The following DENND2B variants were observed in gnomAD, a reference collection of about 807,000 sequenced individuals.
DENND2B encodes the protein DENN domain-containing protein 2B.
In DENND2B, 32 loss-of-function variants were observed where a neutral mutation model predicts 116.0. The observed-to-expected ratio is 0.28, with a 90% confidence interval of 0.21 to 0.37. The LOEUF (loss-of-function observed/expected upper bound fraction) is 0.37, where lower values mean the gene tolerates loss of function less well. Ranked by LOEUF, DENND2B falls within the 10% of genes least tolerant of loss-of-function variation. The probability of loss-of-function intolerance (pLI) is 1.00; values close to 1 mark genes in which losing one functional copy is unlikely to be tolerated. For missense variants in DENND2B, 1,276 were observed against 1,477.7 expected (o/e 0.86, Z 2.24); for synonymous variants, 588 against 583.9 (o/e 1.01, Z -0.10).
chr11:8,705,900 C>T (rs2042511317), intron 13 of DENND2B, among the ~76,000 whole-genome samples: 1 of 152,240 alleles, frequency 6.6e-6, no homozygotes, highest in Non-Finnish European at 1.5e-5. Context: ...CTGCTGGTCT[C>T]CCCGTTTTCA....
intron 1 of DENND2B, among the ~76,000 whole-genome samples, chr11:8,761,758 A>C (rs1237809808): frequency 6.6e-6 from 1 of 152,142 alleles, no homozygotes; most frequent in Non-Finnish European, 1.5e-5. Context: ...GAAACTTATC[A>C]TCCACAAGCT....
chr11:8,891,029 T>C (rs919203824), intron 1 of DENND2B, among the ~76,000 whole-genome samples: 4 of 152,210 alleles, frequency 2.6e-5, no homozygotes, highest in African/African-American at 9.6e-5. Flanking sequence ...CCCATCAGAC[T>C]AACAGTGGAT....
Position 8,830,951 on chromosome 11 carries a change from T to C in DENND2B, c.-115+8359A>G, listed in dbSNP as rs140427212. The C allele has an allele frequency of 2.0e-5, 3 of 152,394 alleles. No homozygotes were observed. In the East Asian group the frequency reaches 5.8e-4, roughly 29 times the overall value. The allele number at this position is 152,394 out of a possible 1,614,324, so 9.4% of individuals were successfully genotyped here. Reference sequence around the variant, plus strand: ...GCCAAGACCAGTAGTCATCTTCTAATATATATTTCATACCTGGGCCCTGGA... The same window carrying C: ...GCCAAGACCAGTAGTCATCTTCTAACATATATTTCATACCTGGGCCCTGGA... On this transcript the variant is annotated intron_variant, in intron 4 of 6. Transcript: ENST00000524757.
At chr11:8,778,077 C>T (rs764226008) in intron 1 of DENND2B, among the ~76,000 whole-genome samples, 47 of 152,314 alleles carry the variant, frequency 3.1e-4, no homozygotes, top group East Asian at 1.7e-3. Flanking sequence ...GCCAGAAAGG[C>T]CACAGCAGCT....
intron 1 of DENND2B, among the ~76,000 whole-genome samples, chr11:8,792,790 C>A (rs915566985): frequency 6.6e-6 from 1 of 152,146 alleles, no homozygotes; most frequent in Non-Finnish European, 1.5e-5. Context: ...TGGGCCAGGG[C>A]GCAGTGGAAA....
chr11:8,750,552 A>G, intron 2 of DENND2B, 69 bp downstream of exon 2: 1 of 1,351,244 alleles, frequency 7.4e-7, no homozygotes. Context: ...GACTATTTAC[A>G]TTTTGGAGGG....
intron 15 of DENND2B, 101 bp from the exon 16 acceptor site, chr11:8,699,075 G>C: frequency 6.4e-7 from 1 of 1,554,498 alleles, no homozygotes. Flanking sequence ...CAGCTAACAG[G>C]AAGTACTCCA....
intron 1 of DENND2B, among the ~76,000 whole-genome samples, chr11:8,806,588 C>G (rs531875193): frequency 9.5e-5 from 3 of 31,714 alleles, no homozygotes; most frequent in African/African-American, 7.4e-5. Context: ...TCATTTAACA[C>G]CCTCCTCTCC....
intron 1 of DENND2B, among the ~76,000 whole-genome samples, chr11:8,904,524 G>C (rs1374086560): frequency 6.6e-6 from 1 of 152,186 alleles, no homozygotes; most frequent in Non-Finnish European, 1.5e-5. Flanking sequence ...ACAAGGCAAA[G>C]ATGTTCCCCT....
intron 3 of DENND2B, among the ~76,000 whole-genome samples, chr11:8,849,947 C>A (rs1321680959): frequency 1.3e-5 from 2 of 150,886 alleles, no homozygotes; most frequent in African/African-American, 2.5e-5. Context: ...CCAGCCTGGG[C>A]AACAAGGTGA....
At position 8,702,455 on chromosome 11, in the gene DENND2B, A is replaced by G; in HGVS notation, c.2720+117T>C. 7 of 1,444,454 alleles carry G rather than the reference A, an allele frequency of 4.8e-6. No homozygotes were observed. The South Asian group carries it at 8.5e-5, about 18-fold the overall frequency. The allele number at this position is 1,444,454 out of a possible 1,614,324, so 89.5% of individuals were successfully genotyped here. ...CACCTAGTCTTCCATCTCCCTACGCACAGCCCCACTCCAGCACTGGTCTCC... is the reference window on the plus strand; with the variant it reads ...CACCTAGTCTTCCATCTCCCTACGCGCAGCCCCACTCCAGCACTGGTCTCC... On this transcript the variant is annotated intron_variant, in intron 14 of 19. Coordinates refer to ENST00000313726, the MANE Select transcript of DENND2B (RefSeq NM_213618.2). The surrounding 1 kb of genome is among the most constrained non-coding windows in gnomAD (Gnocchi z 4.6).
intron 1 of DENND2B, among the ~76,000 whole-genome samples, chr11:8,804,643 C>G (rs2060678200): frequency 6.7e-6 from 1 of 150,114 alleles, no homozygotes; most frequent in Non-Finnish European, 1.5e-5. Flanking sequence ...CTCCCAGGTT[C>G]AAGCTGTTCT....
At chr11:8,788,823 C>T (rs1441296840) in intron 1 of DENND2B, among the ~76,000 whole-genome samples, 1 of 152,214 alleles carries the variant, frequency 6.6e-6, no homozygotes, top group Non-Finnish European at 1.5e-5. Flanking sequence ...TTTGACCATT[C>T]ACTACCTGAC....
In DENND2B at chr11:8,702,558, C is replaced by T. The variant is rs779261296; in HGVS notation, c.2720+14G>A. 5.9e-5 allele frequency: 95 copies of T among 1,609,902 alleles called. No individual in the cohort carries two copies. Among genetic ancestry groups the T allele is most frequent in the Admixed American group, 2.2e-4 (13 of 60,000 alleles). ...CCCCCCTCCCTTCTGCTTTCTTGCCCGGCTGGGCCCTACCTGAGCTTATCT... is the reference window on the plus strand; with the variant it reads ...CCCCCCTCCCTTCTGCTTTCTTGCCTGGCTGGGCCCTACCTGAGCTTATCT... On this transcript the variant is annotated intron_variant, in intron 14 of 19. Coordinates refer to ENST00000313726, the MANE Select transcript of DENND2B (RefSeq NM_213618.2). The surrounding 1 kb of genome is among the most constrained non-coding windows in gnomAD (Gnocchi z 4.6).
chr11:8,772,479 G>T (rs2057058459), intron 1 of DENND2B, among the ~76,000 whole-genome samples: 1 of 152,084 alleles, frequency 6.6e-6, no homozygotes, highest in Non-Finnish European at 1.5e-5. Flanking sequence ...TAAATTGTAA[G>T]AAACCCCAGT....
At chr11:8,893,736 C>T (rs547258639) in intron 1 of DENND2B, among the ~76,000 whole-genome samples, 10 of 152,038 alleles carry the variant, frequency 6.6e-5, no homozygotes, top group African/African-American at 4.8e-5. Flanking sequence ...CGTTGCTCAA[C>T]GAAACAAAAG....
intron 3 of DENND2B, among the ~76,000 whole-genome samples, chr11:8,845,573 A>G (rs937611677): frequency 6.6e-6 from 1 of 152,192 alleles, no homozygotes; most frequent in Non-Finnish European, 1.5e-5. Context: ...TTGCTTGTTA[A>G]TCTGGAGGCT....
rs74680967 is a variant in DENND2B, at chr11:8,860,302, C to T, written c.-249-2866G>A. Among the ~76,000 whole-genome samples, 1,283 of 151,406 alleles carry T rather than the reference C, an allele frequency of 8.5e-3. 22 individuals are homozygous for T. Among genetic ancestry groups the T allele is most frequent in the African/African-American group, 0.03 (1,225 of 41,212 alleles). On this transcript the variant is annotated intron_variant, in intron 2 of 6. Coordinates refer to the DENND2B transcript ENST00000524757. ...ACACTTAGAAAACCCTAAAAGATGC[C>T]TAGATCCTCCAAAAGACTCCTAGAT... is the stretch of plus-strand genomic sequence containing the variant.
intron 4 of DENND2B, among the ~76,000 whole-genome samples, chr11:8,722,587 T>C (rs2046374254): frequency 6.6e-6 from 1 of 152,190 alleles, no homozygotes; most frequent in Non-Finnish European, 1.5e-5. Flanking sequence ...CTCTCGGGCC[T>C]GTCCCCAGGG....
Sources: allele counts gnomAD v4.1 joint callset (sites outside exome capture counted in the v4.1 genomes callset), GRCh38; gene constraint gnomAD v4.1.1; non-coding constraint Gnocchi (gnomAD v3.1); transcripts MANE v1.5; gene names NCBI Gene and HGNC (gene_info 2026-07-23, HGNC 2026-07-21).